The following DHX34 variants were observed in gnomAD, a reference collection of about 807,000 sequenced individuals.
DHX34 encodes the protein probable ATP-dependent RNA helicase DHX34.
DHX34 carries 96 observed loss-of-function variants against 111.1 expected under a neutral mutation model. The ratio of observed to expected loss-of-function variants is 0.86; its 90% CI spans 0.73 to 1.02. DHX34 has a LOEUF of 1.02. DHX34 is among the 50% of genes least tolerant of loss of function. The pLI is 0.00. For synonymous variants in DHX34, 688 were observed against 670.4 expected (o/e 1.03, Z -0.41); for missense variants, 1,560 against 1,579.9 (o/e 0.99, Z 0.21).
intron 3 of DHX34, among the ~76,000 whole-genome samples, chr19:47,356,010 G>T (rs1047506257): frequency 2.0e-5 from 3 of 152,128 alleles, no homozygotes; most frequent in African/African-American, 7.2e-5. Flanking sequence ...ATCTCACTGG[G>T]CAGGATTTCT....
At chr19:47,361,185 C>T (rs144068743) in intron 5 of DHX34, among the ~76,000 whole-genome samples, 6,771 of 151,922 alleles carry the variant, frequency 0.045, 482 homozygotes, top group African/African-American at 0.15. Flanking sequence ...CGGCTGGGCG[C>T]GGTGGCTCAC....
chr19:47,377,443 C>G (rs1198749360), intron 13 of DHX34, among the ~76,000 whole-genome samples: 1 of 148,168 alleles, frequency 6.7e-6, no homozygotes, highest in African/African-American at 2.6e-5. Flanking sequence ...AAGGGCGCAG[C>G]AGGGAACCAG....
At chr19:47,352,685 A>G (rs1599749988) in intron 1 of DHX34, 69 bp from the exon 2 acceptor site, 1 of 239,748 alleles carries the variant, frequency 4.2e-6, no homozygotes, top group South Asian at 7.2e-5. Context: ...AAAAAGAAAA[A>G]AACAAAACAA....
At chr19:47,372,003 T>G (rs1969977949) in intron 7 of DHX34, among the ~76,000 whole-genome samples, 1 of 151,082 alleles carries the variant, frequency 6.6e-6, no homozygotes, top group Non-Finnish European at 1.5e-5. Flanking sequence ...AGGGGATGTC[T>G]AGATGCCCGC....
Position 47,353,060 on chromosome 19 carries a change from G to T in DHX34, c.30G>T (p.Arg10Ser). The stretch of plus-strand genomic sequence containing the variant: ...CTCCTCCTAGAACAAGGGAGGGCAG[G>T]GATCGCCGAGACCACCACCGGGCTC... MPPPRTREG[R>S]DRRDHHRAPS... The change falls in exon 2 of 17, where the codon AGG (arginine) becomes AGT (serine). Residue 10 changes from arginine (R) to serine (S), a missense_variant. Transcript: ENST00000328771. This position sits in a 1 kb window ranked among gnomAD's most constrained non-coding sequence, Gnocchi z 4.6. 1 of 1,613,532 alleles carries T rather than the reference G, an allele frequency of 6.2e-7. No individual in the cohort carries two copies. Among genetic ancestry groups the T allele is most frequent in the Non-Finnish European group, 8.5e-7 (1 of 1,179,540 alleles).
Position 47,357,021 on chromosome 19 carries a change from G to A in DHX34, c.1018-845G>A, listed in dbSNP as rs539149025. Among the ~76,000 whole-genome samples the A allele has an allele frequency of 5.9e-4, 90 of 152,120 alleles. 1 individual carries two copies. The highest frequency in any genetic ancestry group is 4.2e-3 in the Admixed American group (64 of 15,254). On this transcript the variant is annotated intron_variant, in intron 3 of 16. Transcript: ENST00000328771. ...TTTTGTTTTTTTTAGTAGAGACGACGTGTTGCTATGTTGTCTGCCTGGTCA... is the reference window on the plus strand; with the variant it reads ...TTTTGTTTTTTTTAGTAGAGACGACATGTTGCTATGTTGTCTGCCTGGTCA...
intron 7 of DHX34, among the ~76,000 whole-genome samples, chr19:47,369,973 C>T (rs2122301886): frequency 6.6e-6 from 1 of 152,172 alleles, no homozygotes; most frequent in Admixed American, 6.5e-5. Flanking sequence ...CTCCTCGTCC[C>T]CACGCTGTGT....
At position 47,367,093 on chromosome 19, in the gene DHX34, G is replaced by T; in HGVS notation, c.1706G>T (p.Ser569Ile). 6.2e-7 allele frequency: 1 copy of T among 1,602,384 alleles called. No individual in the cohort carries two copies. The highest frequency in any genetic ancestry group is 1.1e-5 in the South Asian group (1 of 89,260). Residue 569 changes from serine (S) to isoleucine (I), a missense_variant, in exon 7 of 17, where the codon AGC becomes ATC. By Grantham distance (142) the Ser-to-Ile change is moderately radical. Transcript: ENST00000328771. ...CTCCGGGACCAGGGGGCCCTGGACA[G>T]CTCAGAGGCCCTCACACCCATTGGG... The part of the protein sequence containing the change: ...LYLRDQGALD[S>I]SEALTPIGSL...
intron 12 of DHX34, 200 bp downstream of exon 12, chr19:47,376,760 A>G: frequency 6.9e-7 from 1 of 1,446,372 alleles, no homozygotes; most frequent in Admixed American, 2.2e-5. Flanking sequence ...CACCTTCCGC[A>G]TGGTGGTGAT....
rs368472079 is a variant in DHX34, at chr19:47,367,236, G to A, written c.1768+81G>A. The A allele has an allele frequency of 1.8e-4, 238 of 1,315,904 alleles. No homozygotes were observed. In the East Asian group the frequency reaches 6.7e-3, roughly 37 times the overall value. 81.5% of individuals were successfully genotyped at this position (1,315,904 alleles called of 1,614,324 possible). The stretch of plus-strand genomic sequence containing the variant: ...AGCTCACTCTCTGAGTGGCCTGGGG[G>A]CAAGTCTGTTTCTTCCCTGGGTCCA... On this transcript the variant is annotated intron_variant, in intron 7 of 16. Coordinates refer to ENST00000328771, the MANE Select transcript of DHX34 (RefSeq NM_014681.6).
At chr19:47,372,426 A>G (rs1283124107) in intron 7 of DHX34, among the ~76,000 whole-genome samples, 1 of 152,046 alleles carries the variant, frequency 6.6e-6, no homozygotes, top group Admixed American at 6.5e-5. Context: ...TGTAAATAGC[A>G]AAGTGGGGAA....
chr19:47,368,375 C>T (rs1327409424), intron 7 of DHX34, among the ~76,000 whole-genome samples: 37 of 135,552 alleles, frequency 2.7e-4, no homozygotes, highest in Non-Finnish European at 4.6e-4. Flanking sequence ...GGTGCCATCT[C>T]GGCTCACCAC....
At chr19:47,375,732 G>C (rs761707178) in intron 10 of DHX34, 24 bp downstream of exon 10, 1 of 1,559,678 alleles carries the variant, frequency 6.4e-7, no homozygotes, top group South Asian at 1.2e-5. Flanking sequence ...GCTGTGGGGT[G>C]TGGGGGTTTA....
At position 47,375,718 on chromosome 19, in the gene DHX34, A is replaced by T. The variant is rs922067812; in HGVS notation, c.2307+10A>T. ...TGGCGTGGACATCCAGGTGGGCGCCATGGGCTGTGGGGTGTGGGGGTTTAC... is the reference window on the plus strand; with the variant it reads ...TGGCGTGGACATCCAGGTGGGCGCCTTGGGCTGTGGGGTGTGGGGGTTTAC... On this transcript the variant is annotated intron_variant, in intron 10 of 16. Coordinates refer to ENST00000328771, the MANE Select transcript of DHX34 (RefSeq NM_014681.6). 4.5e-6 allele frequency: 7 copies of T among 1,563,150 alleles called. No homozygotes were observed. In the African/African-American group the frequency reaches 8.1e-5, roughly 18 times the overall value.
In DHX34 at chr19:47,376,056, G is replaced by C. The variant is rs749202413; in HGVS notation, c.2440G>C (p.Val814Leu). The C allele has an allele frequency of 6.3e-7, 1 of 1,582,840 alleles. No individual in the cohort carries two copies. Among genetic ancestry groups the C allele is most frequent in the South Asian group, 1.1e-5 (1 of 88,382 alleles). The change falls in exon 11 of 17, where the codon GTC becomes CTC. Residue 814 changes from valine to leucine, a missense_variant. Coordinates refer to ENST00000328771, the MANE Select transcript of DHX34 (RefSeq NM_014681.6). Reference sequence around the variant, plus strand: ...CCGGGGCCTGTACCCACAGCTGGCCGTCCCCGACGCCTTCAACAGCAGCCG... The same window carrying C: ...CCGGGGCCTGTACCCACAGCTGGCCCTCCCCGACGCCTTCAACAGCAGCCG... ...LGRGLYPQLA[V>L]PDAFNSSRKD...
intron 4 of DHX34, among the ~76,000 whole-genome samples, chr19:47,359,475 A>G (rs1425893839): frequency 6.6e-6 from 1 of 151,344 alleles, no homozygotes; most frequent in African/African-American, 2.4e-5. Context: ...AAAAAAAAAA[A>G]AAGTTCAAGA....
At position 47,372,894 on chromosome 19, in the gene DHX34, C is replaced by CTCTTAAACG; in HGVS notation, c.1937_1938insAAACGTCTT (p.Leu645_Phe646insLeuAsnVal). 1 of 1,606,430 alleles carries CTCTTAAACG rather than the reference C, an allele frequency of 6.2e-7. No individual in the cohort carries two copies. Among genetic ancestry groups the CTCTTAAACG allele is most frequent in the Non-Finnish European group, 8.5e-7 (1 of 1,179,008 alleles). Reference sequence around the variant, plus strand: ...GAGCGACCAGGGTGACCCCTTCACGCTCTTCAACGTCTTCAACGCCTGGGT... The same window carrying CTCTTAAACG: ...GAGCGACCAGGGTGACCCCTTCACGCTCTTAAACGTCTTCAACGTCTTCAACGCCTGGGT... On this transcript the variant is annotated inframe_insertion, in exon 8 of 17. Transcript: ENST00000328771.
Position 47,377,186 on chromosome 19 carries a change from G to A in DHX34, c.2686G>A (p.Val896Ile), listed in dbSNP as rs756746132. ...ETNKPYLVNC[V>I]RIPALQSLLL... is the part of the protein sequence containing the mutation. ...CAACAAGCCGTACCTGGTGAACTGC[G>A]TCCGCATCCCTGCCCTCCAGGTGGG... Residue 896 changes from valine (V) to isoleucine (I), a missense_variant, in exon 13 of 17, where the codon GTC (valine) becomes ATC (isoleucine). Transcript: ENST00000328771. The A allele has an allele frequency of 1.7e-5, 27 of 1,613,554 alleles. No individual in the cohort carries two copies. In the Admixed American group the frequency reaches 2.7e-4, roughly 16 times the overall value.
In DHX34 at chr19:47,353,331, G is replaced by A. The variant is rs151128528; in HGVS notation, c.301G>A (p.Asp101Asn). The change falls in exon 2 of 17, where the codon GAC becomes AAC. Residue 101 changes from aspartate to asparagine, a missense_variant. Asp to Asn is a conservative substitution (Grantham distance 23, BLOSUM62 1). Coordinates refer to ENST00000328771, the MANE Select transcript of DHX34 (RefSeq NM_014681.6). This position sits in a 1 kb window ranked among gnomAD's most constrained non-coding sequence, Gnocchi z 4.6. The stretch of plus-strand genomic sequence containing the variant: ...GCTGGCCGACCTACCTCGCACTTAC[G>A]ACCCACGTTACCGCATCAACCTCTC... ...PALADLPRTY[D>N]PRYRINLSVL... is the part of the protein sequence containing the mutation. The A allele has an allele frequency of 8.7e-5, 140 of 1,613,970 alleles. No homozygotes were observed. Among genetic ancestry groups the A allele is most frequent in the Non-Finnish European group, 1.2e-4 (136 of 1,180,020 alleles).
Sources: allele counts gnomAD v4.1 joint callset (sites outside exome capture counted in the v4.1 genomes callset), GRCh38; gene constraint gnomAD v4.1.1; non-coding constraint Gnocchi (gnomAD v3.1); transcripts MANE v1.5; gene names NCBI Gene and HGNC (gene_info 2026-07-23, HGNC 2026-07-21).